The following SGCZ variants were observed in gnomAD, a reference collection of about 807,000 sequenced individuals.
SGCZ encodes the protein zeta-sarcoglycan.
Under a neutral mutation model 41.3 loss-of-function variants are expected in SGCZ, and 40 were observed. That is an observed-to-expected ratio of 0.97 (90% CI 0.75 to 1.26). The LOEUF (loss-of-function observed/expected upper bound fraction) is 1.26. Ranked by LOEUF, SGCZ falls within the 50% of genes most tolerant of loss-of-function variation. The probability of loss-of-function intolerance (pLI) is 0.00; values close to 1 mark genes in which losing one functional copy is unlikely to be tolerated. For missense variants in SGCZ, 552 were observed against 369.8 expected (o/e 1.49, Z -4.04); for synonymous variants, 206 against 137.5 (o/e 1.50, Z -3.49).
At chr8:14,398,203 C>A (rs1798972859) in intron 2 of SGCZ, among the ~76,000 whole-genome samples, 2 of 152,120 alleles carry the variant, frequency 1.3e-5, no homozygotes, top group Admixed American at 6.6e-5. Flanking sequence ...AATGACACCG[C>A]TGTTTCTCTT....
chr8:14,180,820 G>C (rs1804697726), intron 4 of SGCZ, among the ~76,000 whole-genome samples: 3 of 151,966 alleles, frequency 2.0e-5, no homozygotes, highest in Admixed American at 2.0e-4. Flanking sequence ...GATCTGCCAA[G>C]TGGCGATGGC....
rs542582316 is a variant in SGCZ at position 15,125,051 on chromosome 8, G to A, written c.39+112534C>T. 4.6e-4 allele frequency among the ~76,000 whole-genome samples: 70 copies of A among 152,190 alleles called. 1 individual carries two copies. The highest frequency in any genetic ancestry group is 1.7e-3 in the African/African-American group (69 of 41,528). On this transcript the variant is annotated intron_variant, in intron 1 of 7. Transcript: ENST00000382080. ...AAAAATAATTACAATGCTACACTAA[G>A]ATGAAGCTGCACAGATTTATATTCA...
intron 1 of SGCZ, among the ~76,000 whole-genome samples, chr8:14,934,750 A>G (rs1185769717): frequency 6.6e-6 from 1 of 151,754 alleles, no homozygotes; most frequent in African/African-American, 2.4e-5. Context: ...GCCTAAATAA[A>G]TACATACCTA....
chr8:14,105,651 G>T (rs890771143), intron 6 of SGCZ, among the ~76,000 whole-genome samples: 18 of 151,992 alleles, frequency 1.2e-4, no homozygotes, highest in African/African-American at 4.3e-4. Context: ...TATCTTGGGG[G>T]TTGCCAGTCT....
intron 2 of SGCZ, among the ~76,000 whole-genome samples, chr8:14,342,745 G>T (rs113323814): frequency 5.3e-5 from 8 of 152,136 alleles, no homozygotes; most frequent in African/African-American, 1.4e-4. Context: ...TGATAGAAAA[G>T]AAAAACCCAT....
At chr8:14,210,526 G>A (rs545521613) in intron 4 of SGCZ, among the ~76,000 whole-genome samples, 4 of 150,932 alleles carry the variant, frequency 2.7e-5, no homozygotes, top group African/African-American at 4.9e-5. Flanking sequence ...GCAATGGTGC[G>A]ATCTCGGCTC....
intron 1 of SGCZ, among the ~76,000 whole-genome samples, chr8:14,674,224 G>T (rs1292826296): frequency 1.3e-5 from 2 of 151,184 alleles, no homozygotes; most frequent in Admixed American, 6.6e-5. Flanking sequence ...TTCTAAACGT[G>T]AAATCATCCT....
chr8:14,568,874 C>T (rs924110808), intron 1 of SGCZ, among the ~76,000 whole-genome samples: 2 of 152,016 alleles, frequency 1.3e-5, no homozygotes, highest in African/African-American at 2.4e-5. Context: ...TGAATATGTG[C>T]AGAAAGAGTA....
At chr8:14,134,278 G>A (rs1191044634) in intron 5 of SGCZ, among the ~76,000 whole-genome samples, 1 of 152,022 alleles carries the variant, frequency 6.6e-6, no homozygotes, top group African/African-American at 2.4e-5. Context: ...CCATAAACTA[G>A]TACCTCATCA....
At chr8:15,230,953 G>C (rs77567987) in intron 1 of SGCZ, among the ~76,000 whole-genome samples, 13,184 of 152,240 alleles carry the variant, frequency 0.087, 699 homozygotes, top group African/African-American at 0.15. Context: ...TGCCACTACT[G>C]GTAGACGGCA....
intron 1 of SGCZ, among the ~76,000 whole-genome samples, chr8:15,205,665 G>A (rs1483530683): frequency 1.3e-5 from 2 of 152,284 alleles, no homozygotes; most frequent in East Asian, 3.9e-4. Context: ...CTGTTGGTGG[G>A]AATGTAAATT....
At chr8:14,920,379 C>A (rs182070082) in intron 1 of SGCZ, among the ~76,000 whole-genome samples, 1 of 152,318 alleles carries the variant, frequency 6.6e-6, no homozygotes, top group African/African-American at 2.4e-5. Context: ...GCTAGACAAC[C>A]TGTTCAAATG....
chr8:14,166,344 A>G (rs1804210155), intron 4 of SGCZ, among the ~76,000 whole-genome samples: 1 of 152,150 alleles, frequency 6.6e-6, no homozygotes, highest in African/African-American at 2.4e-5. Context: ...GACAGCTTGT[A>G]TTCATTTGAG....
In SGCZ at chr8:14,992,635, AC is replaced by A. The variant is rs142655521; in HGVS notation, c.39+244949del. On this transcript the variant is annotated intron_variant, in intron 1 of 7. Coordinates refer to ENST00000382080, the MANE Select transcript of SGCZ (RefSeq NM_139167.4). The stretch of plus-strand genomic sequence containing the variant: ...AAAACCAGTGTTACCCTTGATATTT[AC>A]CCCCCACCCATCCTCCTCGTTCAAT... Among the ~76,000 whole-genome samples the A allele has an allele frequency of 2.2e-3, 307 of 137,180 alleles. 3 individuals are homozygous for A. The highest frequency in any genetic ancestry group is 7.9e-3 in the African/African-American group (285 of 36,226). The allele number at this position is 137,180 out of a possible 152,430, so 90.0% of individuals were successfully genotyped here.
intron 1 of SGCZ, among the ~76,000 whole-genome samples, chr8:14,668,654 G>C (rs1420396073): frequency 2.0e-5 from 3 of 152,062 alleles, no homozygotes; most frequent in Non-Finnish European, 4.4e-5. Context: ...ATGACTCTAG[G>C]CTGAAGTTAT....
chr8:14,102,090 A>T (rs56284031), intron 7 of SGCZ, among the ~76,000 whole-genome samples: 2 of 57,360 alleles, frequency 3.5e-5, no homozygotes, highest in Non-Finnish European at 4.2e-5. Flanking sequence ...ATATATATAT[A>T]TATATATATA....
chr8:14,428,787 C>G (rs188657581), intron 2 of SGCZ, among the ~76,000 whole-genome samples: 6 of 152,284 alleles, frequency 3.9e-5, no homozygotes, highest in Non-Finnish European at 7.4e-5. Flanking sequence ...GCCACACTTT[C>G]ACTTATTGAT....
At chr8:14,707,104 A>T (rs1196245157) in intron 1 of SGCZ, among the ~76,000 whole-genome samples, 1 of 151,656 alleles carries the variant, frequency 6.6e-6, no homozygotes. Flanking sequence ...TTGCATATAT[A>T]TACATGTGCC....
chr8:14,687,171 A>AATAT lies in SGCZ; in HGVS notation c.40-132249_40-132246dup, dbSNP rs59722242. Among the ~76,000 whole-genome samples the AATAT allele has an allele frequency of 3.8e-3, 535 of 141,284 alleles. 2 individuals carry two copies. Among genetic ancestry groups the AATAT allele is most frequent in the Middle Eastern group, 0.022 (6 of 276 alleles). 92.7% of individuals were successfully genotyped at this position (141,284 alleles called of 152,430 possible). A position where few individuals can be genotyped will look rare whatever the true frequency, so the allele number is the denominator to read the frequency against. On this transcript the variant is annotated intron_variant, in intron 1 of 7. Transcript: ENST00000382080. ...TTTTACTCACTTTAAAGAAAAAAAA[A>AATAT]ATATATATATATATATATATTTTAA...
Sources: gnomAD v4.1 joint callset for allele counts (sites outside exome capture counted in the v4.1 genomes callset) on GRCh38, gnomAD v4.1.1 for gene constraint, MANE v1.5 for transcripts, NCBI Gene and HGNC (gene_info 2026-07-23, HGNC 2026-07-21) for gene names.